PLXNA4: variants seen among roughly 807,000 people sequenced by gnomAD.
The protein encoded by PLXNA4 is plexin-A4.
A neutral mutation model predicts 191.8 loss-of-function variants in PLXNA4; 44 were observed. The observed-to-expected ratio is 0.23, with a 90% CI of 0.18 to 0.29. The LOEUF (loss-of-function observed/expected upper bound fraction) is 0.29, where lower values mean the gene tolerates loss of function less well. PLXNA4 is among the 10% of genes least tolerant of loss of function. The pLI is 1.00. For synonymous variants in PLXNA4, 1,082 were observed against 1,009.5 expected (o/e 1.07, Z -1.36); for missense variants, 1,800 against 2,488.8 (o/e 0.72, Z 5.89).
intron 3 of PLXNA4, among the ~76,000 whole-genome samples, chr7:132,376,554 A>G (rs1047122817): frequency 1.3e-5 from 2 of 152,166 alleles, no homozygotes; most frequent in African/African-American, 4.8e-5. Flanking sequence ...AAGGAAATAA[A>G]ATTGCTGCTG....
At chr7:132,198,667 A>C in intron 12 of PLXNA4, 31 bp from the exon 13 acceptor site, 1 of 1,609,606 alleles carries the variant, frequency 6.2e-7, no homozygotes, top group Admixed American at 1.7e-5. Context: ...AATTAGACAA[A>C]CACCAAGATA....
rs149603152 is a variant in PLXNA4, at chr7:132,618,128, G to C, written c.-87+27800C>G. Among the ~76,000 whole-genome samples the C allele has an allele frequency of 3.3e-3, 505 of 152,326 alleles. 4 individuals are homozygous for C. Among genetic ancestry groups the C allele is most frequent in the African/African-American group, 0.011 (437 of 41,576 alleles). ...CGTATGGCCAAACTCAGCTGCAAGGGAGCCTGGGAAATGCAGTCCCTAGCT... is the reference window on the plus strand; with the variant it reads ...CGTATGGCCAAACTCAGCTGCAAGGCAGCCTGGGAAATGCAGTCCCTAGCT... On this transcript the variant is annotated intron_variant, in intron 2 of 4. Coordinates refer to the PLXNA4 transcript ENST00000378539.
chr7:132,594,942 GATAGATAGATAGATA>G (rs1802672568), intron 2 of PLXNA4, among the ~76,000 whole-genome samples: 2 of 147,748 alleles, frequency 1.4e-5, no homozygotes, highest in African/African-American at 2.5e-5. Flanking sequence ...TAGATAGATA[GATAGATAGATAGATA>G]GATAGATAAT....
chr7:132,196,123 C>G (rs1449454559), intron 13 of PLXNA4, among the ~76,000 whole-genome samples: 2 of 152,168 alleles, frequency 1.3e-5, no homozygotes, highest in African/African-American at 4.8e-5. Flanking sequence ...GGGGTAGATG[C>G]CATTATTATC....
chr7:132,423,392 C>T (rs1794919616), intron 3 of PLXNA4, among the ~76,000 whole-genome samples: 1 of 152,204 alleles, frequency 6.6e-6, no homozygotes, highest in Admixed American at 6.5e-5. Flanking sequence ...CTGTTCTGTC[C>T]TCCCTCAGGG....
At chr7:132,140,945 T>G in intron 29 of PLXNA4, 134 bp from the exon 30 acceptor site, 1 of 1,440,498 alleles carries the variant, frequency 6.9e-7, no homozygotes, top group Non-Finnish European at 9.2e-7. Flanking sequence ...ATGCTGCGGA[T>G]GGGATGTGCC....
Position 132,211,089 on chromosome 7 carries a change from T to G in PLXNA4, c.2152A>C (p.Lys718Gln). Residue 718 changes from lysine (K) to glutamine (Q), a missense_variant, in exon 10 of 32, where the codon AAG (lysine) becomes CAG (glutamine). Lys to Gln is a moderately conservative substitution (Grantham distance 53, BLOSUM62 1). Coordinates refer to ENST00000321063, the MANE Select transcript of PLXNA4 (RefSeq NM_020911.2). ...TTCTTGGCCTTCAGCGTGATAGGCT[T>G]GATCACCTCCACGGGCACCAGGATC... ...DKILVPVEVI[K>Q]PITLKAKNLP... 6.3e-7 allele frequency: 1 copy of G among 1,595,862 alleles called. No individual in the cohort carries two copies. The highest frequency in any genetic ancestry group is 2.3e-5 in the East Asian group (1 of 44,012).
rs372987542 is a variant in PLXNA4, at chr7:132,239,268, G to A, written c.1604+1798C>T. 2.0e-5 allele frequency among the ~76,000 whole-genome samples: 3 copies of A among 152,254 alleles called. No homozygotes were observed. In the East Asian group the frequency reaches 5.8e-4, roughly 29 times the overall value. The stretch of plus-strand genomic sequence containing the variant: ...TCCTCCTCTCATGTCTGCTTACCTT[G>A]CAGCCCTGGGGGTGGGAGGTGGGGG... On this transcript the variant is annotated intron_variant, in intron 5 of 31. Coordinates refer to ENST00000321063, the MANE Select transcript of PLXNA4 (RefSeq NM_020911.2).
chr7:132,554,696 T>C (rs1800712571), intron 1 of PLXNA4, among the ~76,000 whole-genome samples: 1 of 152,172 alleles, frequency 6.6e-6, no homozygotes, highest in South Asian at 2.1e-4. Context: ...CAGAGGCCCT[T>C]ACTCACCAGT....
chr7:132,548,962 C>T (rs1800432255), intron 1 of PLXNA4, among the ~76,000 whole-genome samples: 1 of 152,190 alleles, frequency 6.6e-6, no homozygotes, highest in African/African-American at 2.4e-5. Flanking sequence ...CAGGCCAGCA[C>T]CATGACAGTT....
At chr7:132,595,598 G>GTCACT (rs1802694732) in intron 2 of PLXNA4, among the ~76,000 whole-genome samples, 3 of 152,130 alleles carry the variant, frequency 2.0e-5, no homozygotes, top group Non-Finnish European at 4.4e-5. Context: ...ACAACACCCA[G>GTCACT]GCACTAAGTC....
chr7:132,540,569 C>CTTTTTTTTTTTTTTTTTT (rs71915138), intron 1 of PLXNA4, among the ~76,000 whole-genome samples: 2 of 60,976 alleles, frequency 3.3e-5, no homozygotes, highest in African/African-American at 7.1e-5. Flanking sequence ...GTGGACCGTT[C>CTTTTTTTTTTTTTTTTTT]TTTTTTTTTT....
At chr7:132,462,498 G>A (rs1276712512) in intron 3 of PLXNA4, among the ~76,000 whole-genome samples, 1 of 151,920 alleles carries the variant, frequency 6.6e-6, no homozygotes, top group East Asian at 1.9e-4. Flanking sequence ...AAGTAGAGAT[G>A]AAAACATAAT....
chr7:132,243,743 A>G (rs1049033230), intron 4 of PLXNA4, among the ~76,000 whole-genome samples: 67 of 134,114 alleles, frequency 5.0e-4, no homozygotes, highest in Admixed American at 4.1e-3. Flanking sequence ...CTGGCACTTT[A>G]TAAGTGACGG....
chr7:132,377,019 A>G (rs887121136), intron 3 of PLXNA4, among the ~76,000 whole-genome samples: 1 of 152,214 alleles, frequency 6.6e-6, no homozygotes, highest in African/African-American at 2.4e-5. Context: ...CTCCTTTCCC[A>G]GGCTCACGAA....
At chr7:132,259,567 C>T (rs1021720844) in intron 4 of PLXNA4, among the ~76,000 whole-genome samples, 1 of 151,754 alleles carries the variant, frequency 6.6e-6, no homozygotes, top group Non-Finnish European at 1.5e-5. Flanking sequence ...GGTGTGCATT[C>T]CCAAGGCCCT....
Position 132,124,807 on chromosome 7 carries a change from C to A in PLXNA4, c.*5672G>T, listed in dbSNP as rs918579514. 25 of 152,226 alleles carry A rather than the reference C, an allele frequency of 1.6e-4. No individual in the cohort carries two copies. Among genetic ancestry groups the A allele is most frequent in the Non-Finnish European group, 3.1e-4 (21 of 68,034 alleles). The allele number at this position is 152,226 out of a possible 1,614,324, so 9.4% of individuals were successfully genotyped here. Reference sequence around the variant, plus strand: ...CAGGATTTTCAGCCTACCTGAATCACCTCACTACCTCTGCCAATACAAACA... The same window carrying A: ...CAGGATTTTCAGCCTACCTGAATCAACTCACTACCTCTGCCAATACAAACA... On this transcript the variant is annotated 3_prime_UTR_variant, in exon 32 of 32. Coordinates refer to ENST00000321063, the MANE Select transcript of PLXNA4 (RefSeq NM_020911.2).
At chr7:132,296,571 C>T (rs1584957205) in intron 4 of PLXNA4, among the ~76,000 whole-genome samples, 1 of 152,050 alleles carries the variant, frequency 6.6e-6, no homozygotes, top group Non-Finnish European at 1.5e-5. Context: ...CTGCACCTGG[C>T]TCCGTTTATA....
intron 1 of PLXNA4, among the ~76,000 whole-genome samples, chr7:132,531,776 C>G (rs1335825260): frequency 6.6e-6 from 1 of 152,204 alleles, no homozygotes; most frequent in Non-Finnish European, 1.5e-5. Context: ...TGAGTGCATT[C>G]TTGCCTGGAG....
Sources: gnomAD v4.1 joint callset for allele counts (sites outside exome capture counted in the v4.1 genomes callset) on GRCh38, gnomAD v4.1.1 for gene constraint, MANE v1.5 for transcripts, NCBI Gene and HGNC (gene_info 2026-07-23, HGNC 2026-07-21) for gene names.